Variants in WDR25 observed in about 807,000 individuals in gnomAD.
WDR25 encodes WD repeat domain 25.
Under a neutral mutation model 47.7 loss-of-function variants are expected in WDR25, and 35 were observed. That is an observed-to-expected ratio of 0.73 (90% CI 0.56 to 0.97). WDR25 has a LOEUF of 0.97. Ranked by LOEUF, WDR25 falls within the 50% of genes least tolerant of loss-of-function variation. WDR25 has a pLI of 0.00. For synonymous variants in WDR25, 248 were observed against 278.9 expected (o/e 0.89, Z 1.10); for missense variants, 634 against 704.7 (o/e 0.90, Z 1.14).
At chr14:100,524,149 T>C (rs2029995721) in intron 4 of WDR25, among the ~76,000 whole-genome samples, 1 of 152,066 alleles carries the variant, frequency 6.6e-6, no homozygotes, top group Non-Finnish European at 1.5e-5. Flanking sequence ...TTGGTTCTCC[T>C]CAAAAAGTTT....
At chr14:100,461,742 A>C (rs1347364160) in intron 2 of WDR25, among the ~76,000 whole-genome samples, 1 of 152,108 alleles carries the variant, frequency 6.6e-6, no homozygotes, top group African/African-American at 2.4e-5. Flanking sequence ...GGCAACAGGG[A>C]CTGTCAAGAG....
At chr14:100,470,021 T>G (rs1899775756) in intron 3 of WDR25, among the ~76,000 whole-genome samples, 1 of 152,256 alleles carries the variant, frequency 6.6e-6, no homozygotes, top group African/African-American at 2.4e-5. Flanking sequence ...AATCCCAAAT[T>G]GCAGTGATGG....
chr14:100,387,098 G>GT (rs1455522280), intron 2 of WDR25, among the ~76,000 whole-genome samples: 1 of 151,688 alleles, frequency 6.6e-6, no homozygotes, highest in African/African-American at 2.4e-5. Flanking sequence ...TTCCTCACTG[G>GT]TAAAATGGGG....
intron 2 of WDR25, among the ~76,000 whole-genome samples, chr14:100,411,089 A>G (rs1897694861): frequency 6.6e-6 from 1 of 152,086 alleles, no homozygotes; most frequent in Non-Finnish European, 1.5e-5. Context: ...GGCAAAGCAG[A>G]TCTTTTGATA....
At chr14:100,454,505 C>CT in intron 2 of WDR25, 1 of 1,201,094 alleles carries the variant, frequency 8.3e-7, no homozygotes, top group Non-Finnish European at 1.1e-6. Flanking sequence ...CAGCTAACAA[C>CT]TATAAACTGT....
Position 100,390,629 on chromosome 14 carries a change from C to G in WDR25, c.822+8883C>G, listed in dbSNP as rs183736621. On this transcript the variant is annotated intron_variant, in intron 2 of 6. Transcript: ENST00000402312. ...TGCTGCCAGCCTTCCGGCATCTGAG[C>G]TGGGGAAGAGGGTCAAGGTCTCTGT... is the stretch of plus-strand genomic sequence containing the variant. Among the ~76,000 whole-genome samples, 17 of 152,334 alleles carry G rather than the reference C, an allele frequency of 1.1e-4. No individual in the cohort carries two copies. In the East Asian group the frequency reaches 2.3e-3, roughly 21 times the overall value.
At chr14:100,474,031 G>A (rs888230652) in intron 3 of WDR25, among the ~76,000 whole-genome samples, 9 of 152,216 alleles carry the variant, frequency 5.9e-5, no homozygotes, top group Non-Finnish European at 8.8e-5. Flanking sequence ...AAGGCTCAGA[G>A]GGGCTCCACA....
chr14:100,410,315 C>T (rs1221970578), intron 2 of WDR25, among the ~76,000 whole-genome samples: 12 of 152,038 alleles, frequency 7.9e-5, no homozygotes, highest in Admixed American at 6.5e-4. Context: ...CCCAGGGAGA[C>T]GGTGGAGGAT....
intron 2 of WDR25, among the ~76,000 whole-genome samples, chr14:100,439,960 A>G (rs1898618512): frequency 6.6e-6 from 1 of 152,130 alleles, no homozygotes; most frequent in Non-Finnish European, 1.5e-5. Context: ...TTCCAGTTGG[A>G]GGAAGCCTGG....
chr14:100,401,038 A>G (rs556818860), intron 2 of WDR25, among the ~76,000 whole-genome samples: 1 of 152,378 alleles, frequency 6.6e-6, no homozygotes, highest in African/African-American at 2.4e-5. Flanking sequence ...AATGAATAAA[A>G]CATCAGTGAG....
At chr14:100,388,480 A>G (rs1454698909) in intron 2 of WDR25, among the ~76,000 whole-genome samples, 1 of 152,198 alleles carries the variant, frequency 6.6e-6, no homozygotes, top group East Asian at 1.9e-4. Flanking sequence ...GGACTTTCAG[A>G]ATCATCTGAA....
chr14:100,377,591 T>G (rs931814914), intron 1 of WDR25, among the ~76,000 whole-genome samples: 1 of 151,932 alleles, frequency 6.6e-6, no homozygotes, highest in Non-Finnish European at 1.5e-5. Context: ...ATTACAGGCG[T>G]GAGCCACCGC....
chr14:100,423,764 G>A (rs1898090927), intron 2 of WDR25, among the ~76,000 whole-genome samples: 1 of 152,228 alleles, frequency 6.6e-6, no homozygotes, highest in African/African-American at 2.4e-5. Flanking sequence ...ATTCTTATCT[G>A]TGTTGAGAAC....
At position 100,381,436 on chromosome 14, in the gene WDR25, A is replaced by G. The variant is rs369508367; in HGVS notation, c.512A>G (p.Asp171Gly). The G allele has an allele frequency of 6.2e-7, 1 of 1,614,058 alleles. No homozygotes were observed. Among genetic ancestry groups the G allele is most frequent in the African/African-American group, 1.3e-5 (1 of 74,918 alleles). The change falls in exon 2 of 7, where the codon GAC becomes GGC. Residue 171 changes from aspartate (D) to glycine (G), a missense_variant. By Grantham distance (94) the Asp-to-Gly change is moderately conservative. Coordinates refer to ENST00000402312, the MANE Select transcript of WDR25 (RefSeq NM_001161476.3). ...GSSFQKKKCEDCVVPYTPRRL... is the reference protein window; with the variant it reads ...GSSFQKKKCEGCVVPYTPRRL... ...TCTTTTCAGAAGAAAAAATGTGAGG[A>G]CTGTGTGGTACCCTATACTCCCAGA...
intron 2 of WDR25, among the ~76,000 whole-genome samples, chr14:100,396,783 G>A (rs1011957970): frequency 1.3e-5 from 2 of 152,242 alleles, no homozygotes; most frequent in East Asian, 3.8e-4. Context: ...AGGGCCACAG[G>A]TCCCTGGGCC....
At chr14:100,431,483 G>A (rs1898332991) in intron 2 of WDR25, among the ~76,000 whole-genome samples, 1 of 151,870 alleles carries the variant, frequency 6.6e-6, no homozygotes. Flanking sequence ...ATGATATGCA[G>A]AGAATATGAC....
At chr14:100,472,052 C>T (rs4905968) in intron 3 of WDR25, among the ~76,000 whole-genome samples, 1 of 152,064 alleles carries the variant, frequency 6.6e-6, no homozygotes, top group Admixed American at 6.5e-5. Context: ...CGGAGAGCTC[C>T]CTCAGTTCTA....
At chr14:100,513,621 G>C (rs952287375) in intron 4 of WDR25, among the ~76,000 whole-genome samples, 3 of 151,798 alleles carry the variant, frequency 2.0e-5, no homozygotes, top group Non-Finnish European at 4.4e-5. Context: ...TTGTTACCAG[G>C]TGCATACACA....
intron 2 of WDR25, among the ~76,000 whole-genome samples, chr14:100,466,485 G>C (rs1186152405): frequency 6.6e-6 from 1 of 152,230 alleles, no homozygotes; most frequent in Non-Finnish European, 1.5e-5. Flanking sequence ...AGAAAATGAA[G>C]CTTGGTTTTC....
Sources: gnomAD v4.1 joint callset for allele counts (sites outside exome capture counted in the v4.1 genomes callset) on GRCh38, gnomAD v4.1.1 for gene constraint, MANE v1.5 for transcripts, NCBI Gene and HGNC (gene_info 2026-07-23, HGNC 2026-07-21) for gene names.